The following CNTROB variants were observed in gnomAD, a reference collection of about 807,000 sequenced individuals.
CNTROB encodes the protein centrobin, centriole duplication and spindle assembly protein, also known as centrobin.
In CNTROB, 82 loss-of-function variants were observed where a neutral mutation model predicts 115.7. The ratio of observed to expected loss-of-function variants is 0.71; its 90% confidence interval spans 0.59 to 0.85. The LOEUF (loss-of-function observed/expected upper bound fraction) is 0.85, where lower values mean the gene tolerates loss of function less well. Among genes scored for constraint, CNTROB ranks in the 40% least tolerant of loss-of-function variants. The pLI is 0.00. For missense variants in CNTROB, 1,014 were observed against 1,144.4 expected (o/e 0.89, Z 1.64); for synonymous variants, 439 against 456.4 (o/e 0.96, Z 0.49).
rs1413225389 is a variant in CNTROB at position 7,940,208 on chromosome 17, G to A, written c.1277G>A (p.Arg426Lys). Residue 426 changes from arginine (R) to lysine (K), a missense_variant, in exon 9 of 19, where the codon AGA becomes AAA. By Grantham distance (26) the Arg-to-Lys change is conservative (BLOSUM62 2). Transcript: ENST00000563694. ...GAGCTGGATACAGCTCGGAGAGAGA[G>A]AGATGCCCTGCAGCTGGAAATGAGC... ...EGELDTARRE[R>K]DALQLEMSLV... is the part of the protein sequence containing the mutation. The A allele has an allele frequency of 3.1e-6, 5 of 1,611,144 alleles. No homozygotes were observed. The African/African-American group carries it at 6.7e-5, about 22-fold the overall frequency.
In CNTROB at chr17:7,936,441, GC is replaced by G; in HGVS notation, c.672del (p.Asp225ThrfsTer7). ...GCAACAATTAGCCGTGGCTGTGGCT[GC>G]CGACCGCAAGAAAGATACCATGATT... The part of the protein sequence containing the change: ...LQQQLAVAVA[A>X]DRKKDTMIEQ... On this transcript the variant is annotated frameshift_variant, in exon 5 of 19. Transcript: ENST00000563694. LOFTEE classifies it high-confidence loss of function. 6.4e-7 allele frequency: 1 copy of G among 1,559,320 alleles called. No homozygotes were observed. Among genetic ancestry groups the G allele is most frequent in the Non-Finnish European group, 8.8e-7 (1 of 1,130,096 alleles).
rs914624366 is a variant in CNTROB at position 7,948,402 on chromosome 17, T to G, written c.2380+75T>G. 1.2e-6 allele frequency: 2 copies of G among 1,608,030 alleles called. No homozygotes were observed. The highest frequency in any genetic ancestry group is 1.7e-6 in the Non-Finnish European group (2 of 1,174,836). On this transcript the variant is annotated intron_variant, in intron 16 of 18. Transcript: ENST00000563694. This position sits in a 1 kb window ranked among gnomAD's most constrained non-coding sequence, Gnocchi z 4.4. ...GTGGATCCAGTACAGGCACTTACAG[T>G]CCTTCTGAATTCCTGGGGAAATGGG...
Position 7,947,604 on chromosome 17 carries a change from C to T in CNTROB, c.2027C>T (p.Pro676Leu). The T allele has an allele frequency of 6.8e-6, 11 of 1,612,652 alleles. No homozygotes were observed. The highest frequency in any genetic ancestry group is 8.5e-6 in the Non-Finnish European group (10 of 1,178,904). The part of the protein sequence containing the change: ...GAFSALGAFH[P>L]DHRAERPFPE... The stretch of plus-strand genomic sequence containing the variant: ...TTCTCTGCACTTGGGGCCTTCCATC[C>T]CGATCATAGGGCAGAAAGGCCATTC... The change falls in exon 14 of 19, where the codon CCC (proline) becomes CTC (leucine). Residue 676 changes from proline to leucine, a missense_variant. Transcript: ENST00000563694.
rs186932749 is a variant in CNTROB at position 7,948,201 on chromosome 17, C to T, written c.2254C>T (p.Arg752Cys). The change falls in exon 16 of 19, where the codon CGT becomes TGT. Residue 752 changes from arginine (R) to cysteine (C), a missense_variant. Arg to Cys is a radical substitution (Grantham distance 180). Coordinates refer to ENST00000563694, the MANE Select transcript of CNTROB (RefSeq NM_053051.5). This position sits in a 1 kb window ranked among gnomAD's most constrained non-coding sequence, Gnocchi z 4.4. The stretch of plus-strand genomic sequence containing the variant: ...TTGGGAGGAAGCCCCTCAAGTGCCA[C>T]GTATTCCACCGCCTGTCCACAAAAC... ...PSWEEAPQVP[R>C]IPPPVHKTKV... is the part of the protein sequence containing the mutation. 11 of 1,614,204 alleles carry T rather than the reference C, an allele frequency of 6.8e-6. No homozygotes were observed. Among genetic ancestry groups the T allele is most frequent in the East Asian group, 4.5e-5 (2 of 44,884 alleles).
rs1037711194 is a variant in CNTROB, at chr17:7,948,996, G to A, written c.2514-89G>A. 1.2e-6 allele frequency: 2 copies of A among 1,607,824 alleles called. No homozygotes were observed. The highest frequency in any genetic ancestry group is 8.5e-7 in the Non-Finnish European group (1 of 1,176,102). ...ATCGAGTTTGATCTTATTCTTAAGA[G>A]ATAGAATTGGGGAGTAGTTCTTCCA... is the stretch of plus-strand genomic sequence containing the variant. On this transcript the variant is annotated intron_variant, in intron 17 of 18. Transcript: ENST00000563694. This position sits in a 1 kb window ranked among gnomAD's most constrained non-coding sequence, Gnocchi z 4.4.
At chr17:7,947,109 C>T (rs932133681) in intron 13 of CNTROB, among the ~76,000 whole-genome samples, 19 of 149,132 alleles carry the variant, frequency 1.3e-4, no homozygotes, top group African/African-American at 4.5e-4. Flanking sequence ...TGCAGTGAGC[C>T]GAGATCGCGC....
chr17:7,941,363 G>A (rs1398857048), intron 9 of CNTROB, among the ~76,000 whole-genome samples: 3 of 152,144 alleles, frequency 2.0e-5, no homozygotes, highest in Non-Finnish European at 2.9e-5. Flanking sequence ...ACTGTGGGAG[G>A]CCAAGGCGGG....
In CNTROB at chr17:7,948,341, G is replaced by C; in HGVS notation, c.2380+14G>C. 6.2e-7 allele frequency: 1 copy of C among 1,613,862 alleles called. No homozygotes were observed. Among genetic ancestry groups the C allele is most frequent in the Non-Finnish European group, 8.5e-7 (1 of 1,179,824 alleles). On this transcript the variant is annotated intron_variant, in intron 16 of 18. Coordinates refer to ENST00000563694, the MANE Select transcript of CNTROB (RefSeq NM_053051.5). The surrounding 1 kb of genome is among the most constrained non-coding windows in gnomAD (Gnocchi z 4.4). Reference sequence around the variant, plus strand: ...CCCCAGAGAGAGGTGAGCATGTTCTGGTTTATTAGGGAAAAAAGGAGGGAC... The same window carrying C: ...CCCCAGAGAGAGGTGAGCATGTTCTCGTTTATTAGGGAAAAAAGGAGGGAC...
chr17:7,941,459 G>T (rs568072469), intron 9 of CNTROB, among the ~76,000 whole-genome samples: 1 of 151,972 alleles, frequency 6.6e-6, no homozygotes, highest in Admixed American at 6.6e-5. Flanking sequence ...AATTATCCAG[G>T]TGTATGGTGC....
intron 8 of CNTROB, 41 bp from the exon 9 acceptor site, chr17:7,940,055 A>C: frequency 6.5e-7 from 1 of 1,533,792 alleles, no homozygotes; most frequent in Admixed American, 2.1e-5. Flanking sequence ...CCAGGAGATA[A>C]GAAATGAGGT....
At chr17:7,936,848 C>G (rs781636883) in intron 6 of CNTROB, 31 bp downstream of exon 6, 2 of 895,360 alleles carry the variant, frequency 2.2e-6, no homozygotes, top group African/African-American at 3.3e-5. Flanking sequence ...GGCATTAGAA[C>G]CTGAGTCACA....
rs1471405003 is a variant in CNTROB, at chr17:7,939,480, A to G, written c.928-33A>G. 5 of 1,584,358 alleles carry G rather than the reference A, an allele frequency of 3.2e-6. No individual in the cohort carries two copies. The highest frequency in any genetic ancestry group is 1.7e-5 in the Admixed American group (1 of 59,880). On this transcript the variant is annotated intron_variant, in intron 7 of 18. Coordinates refer to ENST00000563694, the MANE Select transcript of CNTROB (RefSeq NM_053051.5). The surrounding 1 kb of genome is among the most constrained non-coding windows in gnomAD (Gnocchi z 4.4). ...CAGATCGCTGGTCTCTGAAGAGCCT[A>G]CTAAGGAGCTTGGTTTTCTTCTGCG...
chr17:7,946,863 G>T (rs1377159804), intron 13 of CNTROB, among the ~76,000 whole-genome samples: 4 of 117,458 alleles, frequency 3.4e-5, no homozygotes, highest in African/African-American at 1.2e-4. Flanking sequence ...GCAAGACTCT[G>T]TCTCTTAAAA....
Position 7,944,022 on chromosome 17 carries a change from C to T in CNTROB, c.1446-101C>T. On this transcript the variant is annotated intron_variant, in intron 10 of 18. Coordinates refer to ENST00000563694, the MANE Select transcript of CNTROB (RefSeq NM_053051.5). The surrounding 1 kb of genome is among the most constrained non-coding windows in gnomAD (Gnocchi z 4.0). ...TGCCATGGCCAGGCTAGCTGACTGG[C>T]TATCTGGGTCACTGTCATGTGCACA... 2.3e-6 allele frequency: 2 copies of T among 852,038 alleles called. No individual in the cohort carries two copies. The highest frequency in any genetic ancestry group is 4.4e-5 in the Admixed American group (2 of 45,706). 52.8% of individuals were successfully genotyped at this position (852,038 alleles called of 1,614,324 possible). A position where few individuals can be genotyped will look rare whatever the true frequency, so the allele number is the denominator to read the frequency against.
At position 7,933,274 on chromosome 17, in the gene CNTROB, T is replaced by C; in HGVS notation, c.195T>C (p.His65=). 1.2e-6 allele frequency: 2 copies of C among 1,614,158 alleles called. No individual in the cohort carries two copies. The highest frequency in any genetic ancestry group is 1.6e-4 in the Middle Eastern group (1 of 6,062). Residue 65 remains histidine (H), a synonymous_variant, in exon 1 of 19, where the codon CAT becomes CAC. Transcript: ENST00000563694. ...ATTTACCCTCCACCTCCCCGCCTCA[T>C]GAAGGGTTAGACGGCTTCGCCCAAG... ...QLYLPSTSPP[H]EGLDGFAQEL...
intron 7 of CNTROB, among the ~76,000 whole-genome samples, chr17:7,937,749 G>A (rs1467325685): frequency 6.6e-6 from 1 of 152,082 alleles, no homozygotes; most frequent in East Asian, 1.9e-4. Flanking sequence ...GTTGCAGTGA[G>A]CTGAGATCAA....
intron 1 of CNTROB, 118 bp from the exon 2 acceptor site, chr17:7,934,020 A>G: frequency 1.3e-6 from 1 of 751,280 alleles, no homozygotes; most frequent in Non-Finnish European, 2.4e-6. Flanking sequence ...GACATCCCTT[A>G]TTGGATCCGT....
intron 7 of CNTROB, among the ~76,000 whole-genome samples, chr17:7,937,933 T>G (rs1426547431): frequency 6.6e-6 from 1 of 151,990 alleles, no homozygotes; most frequent in South Asian, 2.1e-4. Context: ...TTCAATCTGG[T>G]TTGGGACCTC....
At position 7,944,423 on chromosome 17, in the gene CNTROB, C is replaced by A; in HGVS notation, c.1572-53C>A. 2 of 1,599,452 alleles carry A rather than the reference C, an allele frequency of 1.3e-6. No homozygotes were observed. Among genetic ancestry groups the A allele is most frequent in the South Asian group, 1.1e-5 (1 of 89,700 alleles). On this transcript the variant is annotated intron_variant, in intron 11 of 18. Coordinates refer to ENST00000563694, the MANE Select transcript of CNTROB (RefSeq NM_053051.5). This position sits in a 1 kb window ranked among gnomAD's most constrained non-coding sequence, Gnocchi z 4.0. ...TTCCCTTCTGGCTCTTTTTAGCTCC[C>A]AAGTATCTGCTTCCTTAAAGGCCCT... is the stretch of plus-strand genomic sequence containing the variant.
Sources: allele counts gnomAD v4.1 joint callset (sites outside exome capture counted in the v4.1 genomes callset), GRCh38; gene constraint gnomAD v4.1.1; non-coding constraint Gnocchi (gnomAD v3.1); transcripts MANE v1.5; gene names NCBI Gene and HGNC (gene_info 2026-07-23, HGNC 2026-07-21).